KPNA7: variants seen among roughly 807,000 people sequenced by gnomAD.
KPNA7 encodes the protein importin subunit alpha-8.
Under a neutral mutation model 53.7 loss-of-function variants are expected in KPNA7, and 54 were observed. The observed-to-expected ratio is 1.01, with a 90% CI of 0.81 to 1.26. The LOEUF (loss-of-function observed/expected upper bound fraction) is 1.26, where lower values mean the gene tolerates loss of function less well. Ranked by LOEUF, KPNA7 falls within the 50% of genes most tolerant of loss-of-function variation. The pLI, the probability that KPNA7 is intolerant of heterozygous loss-of-function variation, is 0.00. For synonymous variants in KPNA7, 276 were observed against 259.3 expected (o/e 1.06, Z -0.62); for missense variants, 640 against 644.5 (o/e 0.99, Z 0.07).
the KPNA7 span, among the ~76,000 whole-genome samples, chr7:99,166,594 T>C: frequency 0.96 from 146,554 of 152,142 alleles, 70,828 homozygotes; most frequent in East Asian, 1. Context: ...GGATTACAGG[T>C]GTGAGCCACC....
Position 99,195,649 on chromosome 7 carries a change from G to A in KPNA7, c.285-311C>T, listed in dbSNP as rs113006988. Among the ~76,000 whole-genome samples the A allele has an allele frequency of 6.1e-3, 925 of 152,220 alleles. 11 individuals are homozygous for A. The highest frequency in any genetic ancestry group is 0.021 in the African/African-American group (887 of 41,526). ...ACCCAGTAGGCGGAGGTTGCAGTGA[G>A]CTAAGATCATACCATTGCACTCCAG... On this transcript the variant is annotated intron_variant, in intron 4 of 10. Transcript: ENST00000327442.
At chr7:99,200,528 C>T (rs901319096) in intron 3 of KPNA7, among the ~76,000 whole-genome samples, 1 of 152,182 alleles carries the variant, frequency 6.6e-6, no homozygotes, top group African/African-American at 2.4e-5. Flanking sequence ...CACGATACAG[C>T]CTACCACAAA....
chr7:99,148,902 T>G, the KPNA7 span, among the ~76,000 whole-genome samples: 9 of 149,762 alleles, frequency 6.0e-5, no homozygotes, highest in African/African-American at 2.0e-4. Flanking sequence ...ACCGTTTTTT[T>G]TTTTTTTTTT....
intron 1 of KPNA7, among the ~76,000 whole-genome samples, chr7:99,218,635 A>G (rs1410757771): frequency 1.3e-5 from 2 of 152,156 alleles, no homozygotes; most frequent in East Asian, 3.9e-4. Flanking sequence ...ACCCTCAAAA[A>G]CAAGCCAAAG....
chr7:99,147,591 G>A, the KPNA7 span, among the ~76,000 whole-genome samples: 1 of 152,192 alleles, frequency 6.6e-6, no homozygotes, highest in Non-Finnish European at 1.5e-5. Flanking sequence ...AGGAGTTTGA[G>A]ACCATCCTGG....
intron 3 of KPNA7, 103 bp downstream of exon 3, chr7:99,203,003 A>C (rs995241732): frequency 1.9e-5 from 27 of 1,405,824 alleles, no homozygotes; most frequent in Non-Finnish European, 2.6e-5. Flanking sequence ...TAAAAGCCCA[A>C]AACGAGAGTT....
rs1042297740 is a variant in KPNA7, at chr7:99,196,139, T to G, written c.229A>C (p.Lys77Gln). ...ACTGGATCTGAGCTATTCACACCTT[T>G]GATTATTTCACCCAGAGTGAGGCTG... ...AVSLTLGEII[K>Q]GVNSSDPVLC... The change falls in exon 4 of 11, where the codon AAA becomes CAA. Residue 77 changes from lysine (K) to glutamine (Q), a missense_variant. By Grantham distance (53) the Lys-to-Gln change is moderately conservative (BLOSUM62 1). Coordinates refer to ENST00000327442, the MANE Select transcript of KPNA7 (RefSeq NM_001145715.3). 1 of 1,551,792 alleles carries G rather than the reference T, an allele frequency of 6.4e-7. No individual in the cohort carries two copies. Among genetic ancestry groups the G allele is most frequent in the African/African-American group, 1.4e-5 (1 of 73,172 alleles).
At chr7:99,217,587 G>A (rs1584328624) in intron 1 of KPNA7, among the ~76,000 whole-genome samples, 1 of 146,596 alleles carries the variant, frequency 6.8e-6, no homozygotes. Flanking sequence ...CCAGGGAGGA[G>A]AAAAGGCCCA....
intron 4 of KPNA7, among the ~76,000 whole-genome samples, 167 bp from the exon 5 acceptor site, chr7:99,195,505 T>C (rs572391403): frequency 6.6e-6 from 1 of 152,200 alleles, no homozygotes; most frequent in Non-Finnish European, 1.5e-5. Flanking sequence ...GAGACCAGCC[T>C]GGCCAACATG....
chr7:99,162,187 G>A, the KPNA7 span, among the ~76,000 whole-genome samples: 1 of 151,934 alleles, frequency 6.6e-6, no homozygotes, highest in Non-Finnish European at 1.5e-5. Context: ...TGGGATTACA[G>A]GCATGTGCCA....
At chr7:99,207,166 C>G (rs975651225) in intron 2 of KPNA7, among the ~76,000 whole-genome samples, 3 of 152,058 alleles carry the variant, frequency 2.0e-5, no homozygotes, top group Non-Finnish European at 4.4e-5. Flanking sequence ...TCCCAAGTAG[C>G]TGGGATTACA....
At chr7:99,167,104 C>A in the KPNA7 span, among the ~76,000 whole-genome samples, 6 of 152,348 alleles carry the variant, frequency 3.9e-5, no homozygotes, top group East Asian at 1.9e-4. Flanking sequence ...CGCTCTCCAA[C>A]CTCAGCCTCT....
rs1472866652 is a variant in KPNA7 at position 99,188,322 on chromosome 7, G to A, written c.878C>T (p.Thr293Ile). 3.9e-6 allele frequency: 6 copies of A among 1,551,542 alleles called. No homozygotes were observed. In the Admixed American group the frequency reaches 7.9e-5, roughly 20 times the overall value. ...TACCAAGACATTGAGTTCTGAGCTG[G>A]TCATGAGCACTACCAGCCTGGGCAG... ...GVLPRLVVLM[T>I]SSELNVLTPS... Residue 293 changes from threonine to isoleucine, a missense_variant, in exon 7 of 11, where the codon ACC becomes ATC. By Grantham distance (89) the Thr-to-Ile change is moderately conservative. Coordinates refer to ENST00000327442, the MANE Select transcript of KPNA7 (RefSeq NM_001145715.3).
intron 6 of KPNA7, among the ~76,000 whole-genome samples, chr7:99,191,510 C>G (rs996303518): frequency 3.3e-5 from 5 of 152,156 alleles, no homozygotes. Context: ...ACTCCCTTGC[C>G]TCAAAATCCT....
chr7:99,197,037 A>G (rs1790265446), intron 3 of KPNA7, among the ~76,000 whole-genome samples: 1 of 151,928 alleles, frequency 6.6e-6, no homozygotes, highest in African/African-American at 2.4e-5. Flanking sequence ...AACAACAACA[A>G]CAACAACAAC....
At chr7:99,192,018 T>TA (rs1789982646) in intron 6 of KPNA7, among the ~76,000 whole-genome samples, 1 of 152,242 alleles carries the variant, frequency 6.6e-6, no homozygotes, top group African/African-American at 2.4e-5. Flanking sequence ...ACCCAGTTCC[T>TA]AAACCAGAAG....
downstream of KPNA7, among the ~76,000 whole-genome samples, chr7:99,172,770 G>A (rs1483574008): frequency 6.6e-6 from 1 of 151,918 alleles, no homozygotes; most frequent in Non-Finnish European, 1.5e-5. Context: ...GCAAGTCGAA[G>A]TCTGTGTAGA....
chr7:99,151,610 G>A, the KPNA7 span, among the ~76,000 whole-genome samples: 2 of 150,794 alleles, frequency 1.3e-5, no homozygotes, highest in East Asian at 3.9e-4. Context: ...CATCATGCCT[G>A]GCTAATTAAA....
chr7:99,181,819 C>T, intron 9 of KPNA7, 64 bp downstream of exon 9: 3 of 1,340,566 alleles, frequency 2.2e-6, no homozygotes, highest in South Asian at 3.2e-5. Flanking sequence ...TTAAGAGCCA[C>T]ATTAAATGCT....
Sources: gnomAD v4.1 joint callset for allele counts (sites outside exome capture counted in the v4.1 genomes callset) on GRCh38, gnomAD v4.1.1 for gene constraint, MANE v1.5 for transcripts, NCBI Gene and HGNC (gene_info 2026-07-23, HGNC 2026-07-21) for gene names.